CC2D1A: variants seen among roughly 807,000 people sequenced by gnomAD.
The protein encoded by CC2D1A is coiled-coil and C2 domain containing 1A, also known as coiled-coil and C2 domain-containing protein 1A.
A neutral mutation model predicts 123.8 loss-of-function variants in CC2D1A; 68 were observed. The observed-to-expected ratio is 0.55, with a 90% CI of 0.45 to 0.67. The LOEUF is 0.67. Ranked by LOEUF, CC2D1A falls within the 30% of genes least tolerant of loss-of-function variation. CC2D1A has a pLI of 0.00. For synonymous variants in CC2D1A, 477 were observed against 528.0 expected, an observed-to-expected ratio of 0.90 and a Z score of 1.32; for missense variants, 1,185 against 1,290.3, an observed-to-expected ratio of 0.92 and a Z score of 1.25.
intron 2 of CC2D1A, 104 bp downstream of exon 2, chr19:13,910,062 A>C (rs1599378041): frequency 3.6e-6 from 4 of 1,104,982 alleles, no homozygotes; most frequent in South Asian, 2.2e-5. Context: ...GACAGAGAAG[A>C]CCCCTGTTCT....
In CC2D1A at chr19:13,909,824, T is replaced by G. The variant is rs752935035; in HGVS notation, c.62T>G (p.Leu21Arg). ...PGRGAAAARQ[L>R]GLLVDLSPDG... ...ACTGAACCCTTGCTGTTCCCCTAGC[T>G]GGGCCTGCTGGTTGACCTCTCCCCA... The change falls in exon 2 of 29, where the codon CTG becomes CGG. Residue 21 changes from leucine to arginine, a missense_variant and splice_region_variant. Physicochemically the swap from Leu to Arg is moderately radical, Grantham distance 102 (BLOSUM62 -2). Coordinates refer to ENST00000318003, the MANE Select transcript of CC2D1A (RefSeq NM_017721.5). 6.3e-7 allele frequency: 1 copy of G among 1,588,720 alleles called. No individual in the cohort carries two copies. The highest frequency in any genetic ancestry group is 2.3e-5 in the East Asian group (1 of 44,334).
intron 2 of CC2D1A, among the ~76,000 whole-genome samples, 169 bp downstream of exon 2, chr19:13,910,127 G>A (rs1412764331): frequency 6.6e-6 from 1 of 151,776 alleles, no homozygotes; most frequent in Non-Finnish European, 1.5e-5. Context: ...GGCCGGGCAC[G>A]GTGGCTCACG....
rs1416336605 is a variant in CC2D1A, at chr19:13,920,918, C to T, written c.1637C>T (p.Thr546Ile). 1 of 1,611,172 alleles carries T rather than the reference C, an allele frequency of 6.2e-7. No individual in the cohort carries two copies. The highest frequency in any genetic ancestry group is 8.5e-7 in the Non-Finnish European group (1 of 1,178,530). ...ASRNGLPVDI[T>I]KVPPAPVNKD... The stretch of plus-strand genomic sequence containing the variant: ...CGCAATGGGCTGCCTGTGGACATCA[C>T]CAAGGTGAACCTTCTGGGCTTGTGG... Residue 546 changes from threonine to isoleucine, a missense_variant, in exon 14 of 29, where the codon ACC becomes ATC. Physicochemically the swap from Thr to Ile is moderately conservative, Grantham distance 89 (BLOSUM62 -1). Transcript: ENST00000318003.
Position 13,920,885 on chromosome 19 carries a change from A to G in CC2D1A, c.1604A>G (p.Glu535Gly). ...RQAKGLEPML[E>G]ASRNGLPVDI... The stretch of plus-strand genomic sequence containing the variant: ...GCCAAGGGACTGGAGCCTATGCTGG[A>G]GGCCTCGCGCAATGGGCTGCCTGTG... Residue 535 changes from glutamate (E) to glycine (G), a missense_variant, in exon 14 of 29, where the codon GAG (glutamate) becomes GGG (glycine). Physicochemically the swap from Glu to Gly is moderately conservative, Grantham distance 98. Transcript: ENST00000318003. The G allele has an allele frequency of 6.2e-7, 1 of 1,614,058 alleles. No individual in the cohort carries two copies. The highest frequency in any genetic ancestry group is 1.1e-5 in the South Asian group (1 of 91,090).
At position 13,930,143 on chromosome 19, in the gene CC2D1A, G is replaced by C. The variant is rs576457697; in HGVS notation, c.2776G>C (p.Asp926His). The C allele has an allele frequency of 7.1e-5, 114 of 1,613,070 alleles. No homozygotes were observed. The Admixed American group carries it at 1.8e-3, about 26-fold the overall frequency. Residue 926 changes from aspartate to histidine, a missense_variant, in exon 27 of 29, where the codon GAT becomes CAT. Transcript: ENST00000318003. The surrounding 1 kb of genome is among the most constrained non-coding windows in gnomAD (Gnocchi z 6.8). ...GGAGGCTGCCCGGCGCCTGGGCAAC[G>C]ATGGCAGCAGGGTGAGCTGGTCGCG... Reference protein sequence around the residue: ...YTEAARRLGNDGSRDAAKEAL... With the variant: ...YTEAARRLGNHGSRDAAKEAL...
Position 13,912,351 on chromosome 19 carries a change from G to A in CC2D1A, c.225G>A (p.Lys75=), listed in dbSNP as rs1568405197. The A allele has an allele frequency of 6.2e-7, 1 of 1,611,652 alleles. No homozygotes were observed. Among genetic ancestry groups the A allele is most frequent in the Non-Finnish European group, 8.5e-7 (1 of 1,179,008 alleles). The change falls in exon 3 of 29, where the codon AAG becomes AAA. Residue 75 remains lysine, a synonymous_variant. Coordinates refer to ENST00000318003, the MANE Select transcript of CC2D1A (RefSeq NM_017721.5). ...KGPLPMEAIE[K]MASLCMRDPD... ...CCTTGCCGATGGAGGCCATTGAGAA[G>A]ATGGCCAGCCTGTGCATGAGAGACC...
intron 1 of CC2D1A, chr19:13,909,547 C>G: frequency 2.1e-6 from 1 of 468,946 alleles, no homozygotes; most frequent in South Asian, 1.9e-5. Context: ...GCCTGCTTTT[C>G]CCACTGAACT....
At chr19:13,924,315 C>G (rs986900726) in intron 17 of CC2D1A, among the ~76,000 whole-genome samples, 1 of 150,178 alleles carries the variant, frequency 6.7e-6, no homozygotes, top group Non-Finnish European at 1.5e-5. Flanking sequence ...GGACTACAGC[C>G]GCCCACCACC....
At position 13,929,368 on chromosome 19, in the gene CC2D1A, C is replaced by G; in HGVS notation, c.2520-11C>G. The G allele has an allele frequency of 6.2e-7, 1 of 1,613,478 alleles. No individual in the cohort carries two copies. The highest frequency in any genetic ancestry group is 8.5e-7 in the Non-Finnish European group (1 of 1,179,900). On this transcript the variant is annotated splice_polypyrimidine_tract_variant and intron_variant, in intron 24 of 28. Transcript: ENST00000318003. ...ATCTCTGCAGTCCCTTATCCTTCCTCCACCCCTTAGATCAGCCCGGCCCCT... is the reference window on the plus strand; with the variant it reads ...ATCTCTGCAGTCCCTTATCCTTCCTGCACCCCTTAGATCAGCCCGGCCCCT...
At position 13,919,186 on chromosome 19, in the gene CC2D1A, A is replaced by C; in HGVS notation, c.1206A>C (p.Glu402Asp). 6.2e-7 allele frequency: 1 copy of C among 1,612,724 alleles called. No homozygotes were observed. The highest frequency in any genetic ancestry group is 1.7e-4 in the Middle Eastern group (1 of 6,054). Residue 402 changes from glutamate to aspartate, a missense_variant, in exon 11 of 29, where the codon GAA becomes GAC. Coordinates refer to ENST00000318003, the MANE Select transcript of CC2D1A (RefSeq NM_017721.5). Reference sequence around the variant, plus strand: ...CTGGCCGAGCCGTGGATGTCGCTGAATTGCCCGTGCCCCCAGGTAGGCCTT... The same window carrying C: ...CTGGCCGAGCCGTGGATGTCGCTGACTTGCCCGTGCCCCCAGGTAGGCCTT... Reference protein sequence around the residue: ...HKAGRAVDVAELPVPPGFPPI... With the variant: ...HKAGRAVDVADLPVPPGFPPI...
intron 2 of CC2D1A, among the ~76,000 whole-genome samples, chr19:13,911,272 T>G (rs1970986027): frequency 6.6e-6 from 1 of 152,110 alleles, no homozygotes; most frequent in African/African-American, 2.4e-5. Flanking sequence ...AGCTTAAATT[T>G]CCCCTAGGAG....
intron 17 of CC2D1A, 103 bp from the exon 18 acceptor site, chr19:13,926,414 T>G: frequency 9.6e-7 from 1 of 1,038,440 alleles, no homozygotes; most frequent in Non-Finnish European, 1.4e-6. Flanking sequence ...CAGGGTGGGG[T>G]TTGTTCCCTG....
chr19:13,929,755 G>T, intron 26 of CC2D1A, 95 bp downstream of exon 26: 1 of 326,332 alleles, frequency 3.1e-6, no homozygotes, highest in South Asian at 2.6e-5. Context: ...TGGGGGAGGG[G>T]CTCGGGGATG....
At chr19:13,925,669 G>A (rs918588333) in intron 17 of CC2D1A, among the ~76,000 whole-genome samples, 1 of 151,184 alleles carries the variant, frequency 6.6e-6, no homozygotes, top group Admixed American at 6.6e-5. Flanking sequence ...TATTAAGTGA[G>A]GCCAGGCTGG....
chr19:13,922,357 C>T (rs1426099600), intron 14 of CC2D1A, among the ~76,000 whole-genome samples: 1 of 152,146 alleles, frequency 6.6e-6, no homozygotes, highest in Non-Finnish European at 1.5e-5. Flanking sequence ...TGTCTGGTAG[C>T]CTCAAACACC....
Position 13,920,850 on chromosome 19 carries a change from C to A in CC2D1A, c.1569C>A (p.His523Gln). 1 of 1,614,162 alleles carries A rather than the reference C, an allele frequency of 6.2e-7. No homozygotes were observed. Among genetic ancestry groups the A allele is most frequent in the South Asian group, 1.1e-5 (1 of 91,092 alleles). Residue 523 changes from histidine to glutamine, a missense_variant, in exon 14 of 29, where the codon CAC becomes CAA. By Grantham distance (24) the His-to-Gln change is conservative. Transcript: ENST00000318003. Reference protein sequence around the residue: ...QKNDVEGAKMHLRQAKGLEPM... With the variant: ...QKNDVEGAKMQLRQAKGLEPM... Reference sequence around the variant, plus strand: ...ACGACGTGGAGGGTGCCAAGATGCACCTGCGCCAAGCCAAGGGACTGGAGC... The same window carrying A: ...ACGACGTGGAGGGTGCCAAGATGCAACTGCGCCAAGCCAAGGGACTGGAGC...
At position 13,906,589 on chromosome 19, in the gene CC2D1A, C is replaced by T. The variant is rs1970747233; in HGVS notation, c.60+88C>T. On this transcript the variant is annotated intron_variant, in intron 1 of 28. Coordinates refer to ENST00000318003, the MANE Select transcript of CC2D1A (RefSeq NM_017721.5). The surrounding 1 kb of genome is among the most constrained non-coding windows in gnomAD (Gnocchi z 4.1). ...AAGGGCCCCACCCCCCAGGGAAGCCCGATCTCCGCCCCACAGGTAAGCCCC... is the reference window on the plus strand; with the variant it reads ...AAGGGCCCCACCCCCCAGGGAAGCCTGATCTCCGCCCCACAGGTAAGCCCC... The T allele has an allele frequency of 1.3e-6, 1 of 792,398 alleles. No homozygotes were observed. Among genetic ancestry groups the T allele is most frequent in the African/African-American group, 1.8e-5 (1 of 54,468 alleles). 49.1% of individuals were successfully genotyped at this position (792,398 alleles called of 1,614,324 possible).
At chr19:13,910,082 A>G (rs2145297067) in intron 2 of CC2D1A, 124 bp downstream of exon 2, 2 of 964,502 alleles carry the variant, frequency 2.1e-6, no homozygotes, top group Non-Finnish European at 1.4e-6. Flanking sequence ...TCCTGGAGCC[A>G]ATGATCTGGG....
chr19:13,920,172 A>C, intron 12 of CC2D1A: 1 of 530,440 alleles, frequency 1.9e-6, no homozygotes, highest in Non-Finnish European at 3.3e-6. Flanking sequence ...GATCACCTGA[A>C]CTAAGGAGTT....
Sources: gnomAD v4.1 joint callset for allele counts (sites outside exome capture counted in the v4.1 genomes callset) on GRCh38, gnomAD v4.1.1 for gene constraint, Gnocchi (gnomAD v3.1) non-coding constraint, MANE v1.5 for transcripts, NCBI Gene and HGNC (gene_info 2026-07-23, HGNC 2026-07-21) for gene names.